Variants in TMEM117 observed in about 807,000 individuals in gnomAD.
TMEM117 encodes transmembrane protein 117.
In TMEM117, 27 loss-of-function variants were observed where a neutral mutation model predicts 52.4. That is an observed-to-expected ratio of 0.51 (90% confidence interval 0.38 to 0.71). The LOEUF (loss-of-function observed/expected upper bound fraction) is 0.71. TMEM117 is among the 30% of genes least tolerant of loss of function. TMEM117 has a pLI of 0.00. For synonymous variants in TMEM117, 215 were observed against 206.3 expected, an observed-to-expected ratio of 1.04 and a Z score of -0.36; for missense variants, 556 against 630.5, an observed-to-expected ratio of 0.88 and a Z score of 1.26.
chr12:43,842,080 G>A (rs1281796654), intron 1 of TMEM117, among the ~76,000 whole-genome samples: 1 of 152,096 alleles, frequency 6.6e-6, no homozygotes, highest in Non-Finnish European at 1.5e-5. Flanking sequence ...TGTAGTGGTG[G>A]TCTGTGGACA....
chr12:44,255,788 T>G (rs929549698), intron 5 of TMEM117, among the ~76,000 whole-genome samples: 2 of 152,114 alleles, frequency 1.3e-5, no homozygotes, highest in Non-Finnish European at 2.9e-5. Flanking sequence ...ACTGGAGGGA[T>G]AATTTCATTT....
the TMEM117 span, chr12:43,800,388 TA>T: frequency 7.0e-7 from 1 of 1,436,946 alleles, no homozygotes. Flanking sequence ...AGTTCCTCTT[TA>T]ATCATTTTAA....
chr12:43,867,685 ATATCAG>A (rs1330804834), intron 2 of TMEM117, among the ~76,000 whole-genome samples: 1 of 151,932 alleles, frequency 6.6e-6, no homozygotes, highest in African/African-American at 2.4e-5. Context: ...GAATATGTTA[ATATCAG>A]ACAAAAGTAA....
chr12:44,125,708 G>A (rs992882300), intron 3 of TMEM117, among the ~76,000 whole-genome samples: 11 of 152,018 alleles, frequency 7.2e-5, no homozygotes, highest in African/African-American at 2.7e-4. Flanking sequence ...TTCTGTCTCT[G>A]TCTCCTTCAG....
intron 5 of TMEM117, among the ~76,000 whole-genome samples, chr12:44,259,093 T>C (rs973099316): frequency 6.6e-6 from 1 of 152,204 alleles, no homozygotes; most frequent in Admixed American, 6.6e-5. Context: ...TAGTGTTCTG[T>C]TATCCCTTTA....
intron 4 of TMEM117, among the ~76,000 whole-genome samples, chr12:44,154,659 G>A (rs1948801209): frequency 6.7e-6 from 1 of 149,428 alleles, no homozygotes; most frequent in African/African-American, 2.5e-5. Context: ...GAAGAATTTT[G>A]GCAAATCTAA....
At chr12:43,931,020 C>G (rs998505652) in intron 2 of TMEM117, among the ~76,000 whole-genome samples, 1 of 152,194 alleles carries the variant, frequency 6.6e-6, no homozygotes, top group African/African-American at 2.4e-5. Context: ...GAAGATGCCT[C>G]TTGACTCTTC....
At chr12:44,081,284 C>G (rs1947477867) in intron 3 of TMEM117, among the ~76,000 whole-genome samples, 2 of 152,138 alleles carry the variant, frequency 1.3e-5, no homozygotes, top group South Asian at 4.1e-4. Context: ...TTTGTCATGT[C>G]TCTGAAGTAA....
In TMEM117 at chr12:44,219,720, A is replaced by G. The variant is rs571778145; in HGVS notation, c.608+8333A>G. 2.0e-5 allele frequency among the ~76,000 whole-genome samples: 3 copies of G among 152,318 alleles called. No individual in the cohort carries two copies. In the East Asian group the frequency reaches 5.8e-4, roughly 29 times the overall value. ...AGCCCAGCATTTTATTGGGGACACT[A>G]GAAGTAATAAGATACTACACATTAT... On this transcript the variant is annotated intron_variant, in intron 5 of 7. Transcript: ENST00000266534.
intron 3 of TMEM117, among the ~76,000 whole-genome samples, chr12:44,050,609 C>T (rs1046004379): frequency 2.6e-5 from 4 of 152,200 alleles, no homozygotes; most frequent in Admixed American, 6.5e-5. Context: ...TCTTTCTCTG[C>T]CTTGCCTTTA....
intron 5 of TMEM117, among the ~76,000 whole-genome samples, chr12:44,256,147 G>A (rs1950257915): frequency 6.6e-6 from 1 of 151,644 alleles, no homozygotes; most frequent in East Asian, 1.9e-4. Context: ...TACACACTAT[G>A]TGCATACATA....
chr12:44,293,997 A>G (rs1950737103), intron 5 of TMEM117, among the ~76,000 whole-genome samples: 1 of 152,162 alleles, frequency 6.6e-6, no homozygotes, highest in Non-Finnish European at 1.5e-5. Flanking sequence ...TCTAGTGGCA[A>G]TGAATTCCCT....
intron 5 of TMEM117, among the ~76,000 whole-genome samples, chr12:44,226,507 G>A (rs1949863019): frequency 6.6e-6 from 1 of 151,830 alleles, no homozygotes; most frequent in African/African-American, 2.4e-5. Flanking sequence ...ATATATGTGT[G>A]TGTGTGTGTG....
intron 4 of TMEM117, among the ~76,000 whole-genome samples, chr12:44,176,572 T>A (rs1022821190): frequency 6.6e-6 from 1 of 152,126 alleles, no homozygotes; most frequent in Non-Finnish European, 1.5e-5. Flanking sequence ...GATAACTATT[T>A]TTTTGCCTTA....
chr12:44,224,715 G>A (rs932622599), intron 5 of TMEM117, among the ~76,000 whole-genome samples: 3 of 152,102 alleles, frequency 2.0e-5, no homozygotes, highest in Admixed American at 2.0e-4. Flanking sequence ...CTGTAAAGCA[G>A]GTTTTGCTTT....
intron 3 of TMEM117, among the ~76,000 whole-genome samples, chr12:44,006,922 C>T (rs1217413080): frequency 6.6e-6 from 1 of 152,172 alleles, no homozygotes; most frequent in African/African-American, 2.4e-5. Context: ...ATTCTTTCAT[C>T]ACTTCTAAGG....
chr12:44,372,916 G>A (rs1951884240), intron 6 of TMEM117, among the ~76,000 whole-genome samples: 1 of 152,026 alleles, frequency 6.6e-6, no homozygotes, highest in Non-Finnish European at 1.5e-5. Flanking sequence ...GCTTGATTGT[G>A]GTTATCATTT....
chr12:44,306,901 C>T (rs1276326570), intron 6 of TMEM117, among the ~76,000 whole-genome samples: 1 of 152,134 alleles, frequency 6.6e-6, no homozygotes, highest in Non-Finnish European at 1.5e-5. Flanking sequence ...TTAAAAAGCA[C>T]TCTGTGGTAT....
intron 2 of TMEM117, among the ~76,000 whole-genome samples, chr12:43,845,295 T>A (rs988440550): frequency 2.6e-5 from 4 of 151,812 alleles, no homozygotes; most frequent in Admixed American, 2.6e-4. Flanking sequence ...ACCTCATCTC[T>A]ACTAAAAATA....
Sources: gnomAD v4.1 joint callset for allele counts (sites outside exome capture counted in the v4.1 genomes callset) on GRCh38, gnomAD v4.1.1 for gene constraint, MANE v1.5 for transcripts, NCBI Gene and HGNC (gene_info 2026-07-23, HGNC 2026-07-21) for gene names.